OXR1: variants seen among roughly 807,000 people sequenced by gnomAD.
OXR1 encodes oxidation resistance protein 1.
Under a neutral mutation model 104.6 loss-of-function variants are expected in OXR1, and 41 were observed. The ratio of observed to expected loss-of-function variants is 0.39; its 90% CI spans 0.31 to 0.51. The LOEUF (loss-of-function observed/expected upper bound fraction) is 0.51, where lower values mean the gene tolerates loss of function less well. OXR1 is among the 20% of genes least tolerant of loss of function. The pLI is 0.77. For synonymous variants in OXR1, 348 were observed against 348.4 expected, an observed-to-expected ratio of 1.00 and a Z score of 0.01; for missense variants, 955 against 1,031.9, an observed-to-expected ratio of 0.93 and a Z score of 1.02.
intron 2 of OXR1, among the ~76,000 whole-genome samples, chr8:106,386,142 C>G (rs528806851): frequency 6.6e-6 from 1 of 152,154 alleles, no homozygotes; most frequent in African/African-American, 2.4e-5. Flanking sequence ...CTGTAACTGT[C>G]TACTATCCCG....
At chr8:106,588,564 T>G (rs1818833187) in intron 3 of OXR1, among the ~76,000 whole-genome samples, 1 of 151,782 alleles carries the variant, frequency 6.6e-6, no homozygotes. Context: ...CTTGGCTCAC[T>G]GCAACCTCTG....
intron 3 of OXR1, among the ~76,000 whole-genome samples, chr8:106,526,616 C>T (rs540021322): frequency 5.9e-5 from 9 of 152,340 alleles, no homozygotes; most frequent in African/African-American, 1.7e-4. Flanking sequence ...AATCTCGGCT[C>T]GCTGCAAGCT....
At chr8:106,691,696 G>A (rs913276479) in intron 6 of OXR1, among the ~76,000 whole-genome samples, 1 of 149,876 alleles carries the variant, frequency 6.7e-6, no homozygotes, top group African/African-American at 2.4e-5. Context: ...TCAGTTTTGG[G>A]GGAATTGAGG....
intron 1 of OXR1, among the ~76,000 whole-genome samples, chr8:106,342,778 G>T (rs897028938): frequency 6.6e-6 from 1 of 152,202 alleles, no homozygotes; most frequent in East Asian, 1.9e-4. Context: ...TTTTTGTGTG[G>T]GAAATTGGCA....
At chr8:106,377,714 GGCA>G (rs1179528107) in intron 2 of OXR1, among the ~76,000 whole-genome samples, 18 of 152,174 alleles carry the variant, frequency 1.2e-4, no homozygotes, top group African/African-American at 4.3e-4. Context: ...TGCTATTTAG[GGCA>G]GCAGTAAATC....
At chr8:106,658,857 A>T (rs768373673) in intron 3 of OXR1, among the ~76,000 whole-genome samples, 1 of 152,158 alleles carries the variant, frequency 6.6e-6, no homozygotes, top group Admixed American at 6.5e-5. Flanking sequence ...ATTTGTAGCG[A>T]CATGATATTG....
chr8:106,501,760 G>A (rs920054969), intron 2 of OXR1, among the ~76,000 whole-genome samples: 4 of 152,170 alleles, frequency 2.6e-5, no homozygotes, highest in African/African-American at 9.7e-5. Flanking sequence ...CTGTTGCAGG[G>A]CTTGGGACTG....
intron 2 of OXR1, among the ~76,000 whole-genome samples, chr8:106,503,652 T>C (rs1811958443): frequency 6.6e-6 from 1 of 152,202 alleles, no homozygotes; most frequent in Non-Finnish European, 1.5e-5. Context: ...GGGGAGAGAC[T>C]ACAGCTGCTT....
At chr8:106,453,545 C>T (rs1820438244) in intron 2 of OXR1, among the ~76,000 whole-genome samples, 1 of 152,184 alleles carries the variant, frequency 6.6e-6, no homozygotes, top group Non-Finnish European at 1.5e-5. Flanking sequence ...ATCTCTCACA[C>T]AAACTATTTC....
At chr8:106,284,527 A>G (rs1241084043) in intron 1 of OXR1, among the ~76,000 whole-genome samples, 3 of 152,192 alleles carry the variant, frequency 2.0e-5, no homozygotes. Context: ...AAGAGAACAG[A>G]TAGTATTCAG....
chr8:106,543,828 G>T (rs1563593825), intron 3 of OXR1, among the ~76,000 whole-genome samples: 1 of 152,100 alleles, frequency 6.6e-6, no homozygotes, highest in Non-Finnish European at 1.5e-5. Context: ...ACCTCCCATT[G>T]CCATCCAGCC....
chr8:106,592,990 CT>C (rs1437726974), intron 3 of OXR1, among the ~76,000 whole-genome samples: 1 of 152,192 alleles, frequency 6.6e-6, no homozygotes, highest in Non-Finnish European at 1.5e-5. Flanking sequence ...GTGTTTTCCT[CT>C]GTTTAGAATC....
intron 3 of OXR1, among the ~76,000 whole-genome samples, chr8:106,644,827 G>A (rs893904084): frequency 6.6e-6 from 1 of 152,104 alleles, no homozygotes; most frequent in Non-Finnish European, 1.5e-5. Flanking sequence ...GGCCGCAAAC[G>A]TGGCTTATAA....
chr8:106,497,802 G>A lies in OXR1; in HGVS notation c.24-21141G>A, dbSNP rs532449137. 1.4e-3 allele frequency among the ~76,000 whole-genome samples: 199 copies of A among 145,330 alleles called. 1 individual carries two copies. The highest frequency in any genetic ancestry group is 5.2e-3 in the African/African-American group (192 of 37,154). On this transcript the variant is annotated intron_variant, in intron 2 of 16. Transcript: ENST00000517566. Reference sequence around the variant, plus strand: ...ATGGTCACCATATGTGTGTGTGTGTGTGTGCACACGCGTGTGTGTGTGTGT... The same window carrying A: ...ATGGTCACCATATGTGTGTGTGTGTATGTGCACACGCGTGTGTGTGTGTGT...
intron 8 of OXR1, among the ~76,000 whole-genome samples, chr8:106,704,250 A>G (rs1830884013): frequency 6.6e-6 from 1 of 152,056 alleles, no homozygotes; most frequent in African/African-American, 2.4e-5. Context: ...GGATAATGGG[A>G]TGAGACAAAG....
At chr8:106,278,987 A>G (rs531414927) in intron 1 of OXR1, among the ~76,000 whole-genome samples, 1 of 152,186 alleles carries the variant, frequency 6.6e-6, no homozygotes, top group African/African-American at 2.4e-5. Flanking sequence ...ATACTTTAGC[A>G]CAATGCAGTT....
intron 1 of OXR1, among the ~76,000 whole-genome samples, chr8:106,324,572 C>T (rs1814381107): frequency 6.6e-6 from 1 of 151,314 alleles, no homozygotes; most frequent in Non-Finnish European, 1.5e-5. Flanking sequence ...TTAGAACTCT[C>T]TGGCAATACA....
intron 3 of OXR1, among the ~76,000 whole-genome samples, chr8:106,603,401 G>A (rs73699600): frequency 2.6e-5 from 4 of 151,940 alleles, no homozygotes; most frequent in Admixed American, 1.3e-4. Context: ...CAAAAAAAAA[G>A]TCAGTAACAT....
At chr8:106,318,144 G>C (rs1814052025) in intron 1 of OXR1, among the ~76,000 whole-genome samples, 1 of 151,972 alleles carries the variant, frequency 6.6e-6, no homozygotes, top group Non-Finnish European at 1.5e-5. Context: ...GAGAATAATT[G>C]TTAACAAAAT....
Sources: gnomAD v4.1 joint callset for allele counts (sites outside exome capture counted in the v4.1 genomes callset) on GRCh38, gnomAD v4.1.1 for gene constraint, MANE v1.5 for transcripts, NCBI Gene and HGNC (gene_info 2026-07-23, HGNC 2026-07-21) for gene names.